Variants in TRPM3 observed in about 807,000 individuals in gnomAD.
The protein encoded by TRPM3 is long transient receptor potential channel 3.
TRPM3 carries 77 observed loss-of-function variants against 181.2 expected under a neutral mutation model. That is an observed-to-expected ratio of 0.42 (90% CI 0.35 to 0.51). The LOEUF (loss-of-function observed/expected upper bound fraction) is 0.51. Ranked by LOEUF, TRPM3 falls within the 20% of genes least tolerant of loss-of-function variation. The probability of loss-of-function intolerance (pLI) is 0.01; values close to 1 mark genes in which losing one functional copy is unlikely to be tolerated. For synonymous variants in TRPM3, 745 were observed against 796.4 expected (o/e 0.94, Z 1.09); for missense variants, 1,759 against 2,196.7 (o/e 0.80, Z 3.98).
chr9:71,100,210 CA>C (rs1384022831), intron 1 of TRPM3, among the ~76,000 whole-genome samples: 1 of 152,062 alleles, frequency 6.6e-6, no homozygotes, highest in Admixed American at 6.6e-5. Flanking sequence ...AATATTTAAT[CA>C]ACTACAATAA....
intron 1 of TRPM3, among the ~76,000 whole-genome samples, chr9:71,354,902 T>C (rs1206765165): frequency 6.6e-6 from 1 of 152,240 alleles, no homozygotes; most frequent in East Asian, 1.9e-4. Context: ...ACCATAAATG[T>C]CCTTGTAGCT....
At chr9:71,181,972 C>A (rs1488401831) in intron 1 of TRPM3, among the ~76,000 whole-genome samples, 1 of 152,076 alleles carries the variant, frequency 6.6e-6, no homozygotes, top group Non-Finnish European at 1.5e-5. Flanking sequence ...TGGGAATCTG[C>A]ATGTTTACAA....
intron 1 of TRPM3, among the ~76,000 whole-genome samples, chr9:70,915,464 A>AT (rs766229481): frequency 0.01 from 1,417 of 141,568 alleles, 13 homozygotes; most frequent in African/African-American, 0.029. Flanking sequence ...TGCCCGGCTA[A>AT]TTTTTTTTTT....
At chr9:71,043,442 C>T (rs565477502) in intron 1 of TRPM3, among the ~76,000 whole-genome samples, 4 of 152,108 alleles carry the variant, frequency 2.6e-5, no homozygotes, top group African/African-American at 7.2e-5. Flanking sequence ...ATAGAAAATC[C>T]CTGAGTACAT....
chr9:70,973,990 T>C (rs12351323), intron 1 of TRPM3, among the ~76,000 whole-genome samples: 45,006 of 152,032 alleles, frequency 0.3, 6,679 homozygotes, highest in East Asian at 0.37. Flanking sequence ...CATAGTTAAT[T>C]GTAGTATATG....
Position 70,917,112 on chromosome 9 carries a change from T to C in TRPM3, c.178-52601A>G. On this transcript the variant is annotated intron_variant, in intron 1 of 25. Transcript: ENST00000677713. Reference sequence around the variant, plus strand: ...TCCACTTTCAGAGAGATGTAACACATTTCCATAGGGGTTCGGATGAGTTCG... The same window carrying C: ...TCCACTTTCAGAGAGATGTAACACACTTCCATAGGGGTTCGGATGAGTTCG... 1.9e-6 allele frequency: 3 copies of C among 1,603,712 alleles called. No individual in the cohort carries two copies. The South Asian group carries it at 3.3e-5, about 18-fold the overall frequency.
At chr9:70,783,973 T>A in intron 7 of TRPM3, 132 bp downstream of exon 7, 2 of 1,459,308 alleles carry the variant, frequency 1.4e-6, no homozygotes, top group Non-Finnish European at 1.8e-6. Flanking sequence ...ATGACAGACA[T>A]TTTTTAGACA....
chr9:71,274,174 C>G (rs956668355), intron 1 of TRPM3, among the ~76,000 whole-genome samples: 3 of 152,206 alleles, frequency 2.0e-5, no homozygotes, highest in East Asian at 1.9e-4. Context: ...GTATGCCAAA[C>G]AGAGGTAGTC....
chr9:70,883,927 G>A (rs549111040), intron 1 of TRPM3, among the ~76,000 whole-genome samples: 1 of 152,284 alleles, frequency 6.6e-6, no homozygotes, highest in South Asian at 2.1e-4. Flanking sequence ...TGCAAGACAA[G>A]TACAGAGGCT....
chr9:70,955,098 T>C (rs928137380), intron 1 of TRPM3, among the ~76,000 whole-genome samples: 7 of 152,144 alleles, frequency 4.6e-5, no homozygotes, highest in Non-Finnish European at 8.8e-5. Flanking sequence ...TCCCCGACCT[T>C]TGTTTCTATA....
intron 1 of TRPM3, among the ~76,000 whole-genome samples, chr9:70,986,161 G>A (rs2097419260): frequency 6.6e-6 from 1 of 151,992 alleles, no homozygotes; most frequent in African/African-American, 2.4e-5. Context: ...GGAGTTTGGA[G>A]CTAGCCTGGG....
chr9:71,198,144 CT>C (rs2078517665), intron 1 of TRPM3, among the ~76,000 whole-genome samples: 1 of 151,004 alleles, frequency 6.6e-6, no homozygotes, highest in South Asian at 2.1e-4. Flanking sequence ...TTCCCCATTG[CT>C]TGTTTTTCTC....
intron 1 of TRPM3, among the ~76,000 whole-genome samples, chr9:71,185,047 G>A (rs568452148): frequency 1.3e-5 from 2 of 152,224 alleles, no homozygotes; most frequent in East Asian, 3.9e-4. Flanking sequence ...AGGCATGCAC[G>A]CACATGCATT....
At chr9:70,779,446 G>T (rs1416124480) in intron 7 of TRPM3, among the ~76,000 whole-genome samples, 1 of 152,100 alleles carries the variant, frequency 6.6e-6, no homozygotes, top group Admixed American at 6.6e-5. Flanking sequence ...GAACACAAAC[G>T]CATTTGGATG....
chr9:70,849,167 TAG>T (rs1192555755), intron 3 of TRPM3, among the ~76,000 whole-genome samples: 2 of 152,126 alleles, frequency 1.3e-5, no homozygotes, highest in East Asian at 1.9e-4. Flanking sequence ...TGTTTTGAGA[TAG>T]AGTCTTGCAC....
chr9:71,402,823 T>C (rs2093366680), intron 1 of TRPM3, among the ~76,000 whole-genome samples: 2 of 152,166 alleles, frequency 1.3e-5, no homozygotes, highest in African/African-American at 2.4e-5. Context: ...AACCTTACAC[T>C]AATCTTATCA....
At chr9:70,981,888 T>C (rs73470208) in intron 1 of TRPM3, among the ~76,000 whole-genome samples, 4,872 of 152,272 alleles carry the variant, frequency 0.032, 272 homozygotes, top group African/African-American at 0.11. Context: ...CCCAAACAAA[T>C]TGGACTCCAT....
intron 6 of TRPM3, among the ~76,000 whole-genome samples, chr9:70,803,172 TG>T (rs1314252349): frequency 6.6e-6 from 1 of 150,558 alleles, no homozygotes; most frequent in Non-Finnish European, 1.5e-5. Flanking sequence ...GAGCCTTGGA[TG>T]GGGGGCAAGA....
At chr9:70,570,711 G>A (rs1310834855) in intron 22 of TRPM3, among the ~76,000 whole-genome samples, 1 of 152,060 alleles carries the variant, frequency 6.6e-6, no homozygotes, top group Non-Finnish European at 1.5e-5. Context: ...ATTGAATATC[G>A]GGTTATTATG....
Sources: gnomAD v4.1 joint callset for allele counts (sites outside exome capture counted in the v4.1 genomes callset) on GRCh38, gnomAD v4.1.1 for gene constraint, MANE v1.5 for transcripts, NCBI Gene and HGNC (gene_info 2026-07-23, HGNC 2026-07-21) for gene names.